MMP26: variants seen among roughly 807,000 people sequenced by gnomAD.
MMP26 encodes the protein matrix metallopeptidase 26.
Under a neutral mutation model 31.0 loss-of-function variants are expected in MMP26, and 33 were observed. That is an observed-to-expected ratio of 1.06 (90% CI 0.81 to 1.42). The LOEUF (loss-of-function observed/expected upper bound fraction) is 1.42, where lower values mean the gene tolerates loss of function less well. Among genes scored for constraint, MMP26 ranks in the 40% most tolerant of loss-of-function variants. The probability of loss-of-function intolerance (pLI) is 0.00; values close to 1 mark genes in which losing one functional copy is unlikely to be tolerated. For missense variants in MMP26, 347 were observed against 316.1 expected, an observed-to-expected ratio of 1.10 and a Z score of -0.74; for synonymous variants, 122 against 114.9, an observed-to-expected ratio of 1.06 and a Z score of -0.40.
At chr11:4,758,878 G>A (rs1417186249) in intron 1 of MMP26, among the ~76,000 whole-genome samples, 3 of 151,888 alleles carry the variant, frequency 2.0e-5, no homozygotes, top group East Asian at 1.9e-4. Context: ...TTGGGAAGAC[G>A]AGGCGGGCAG....
intron 1 of MMP26, among the ~76,000 whole-genome samples, chr11:4,741,890 C>T (rs767696836): frequency 6.6e-6 from 1 of 151,962 alleles, no homozygotes; most frequent in Non-Finnish European, 1.5e-5. Context: ...GTATAATCAG[C>T]CAGAAAAAGA....
intron 1 of MMP26, chr11:4,710,644 T>G: frequency 2.8e-6 from 1 of 352,398 alleles, no homozygotes; most frequent in Non-Finnish European, 5.6e-6. Context: ...GATGATCCAC[T>G]AACTTACCAT....
intron 2 of MMP26, among the ~76,000 whole-genome samples, chr11:4,917,521 C>T (rs781032395): frequency 6.6e-6 from 1 of 152,144 alleles, no homozygotes; most frequent in Admixed American, 6.5e-5. Context: ...AAGATATACA[C>T]AGACACTTTC....
At chr11:4,821,346 A>G (rs1305789283) in intron 2 of MMP26, 1 of 1,468,228 alleles carries the variant, frequency 6.8e-7, no homozygotes, top group Non-Finnish European at 9.4e-7. Context: ...TGCCAGAGAG[A>G]TGTTACAAGT....
At chr11:4,883,483 A>AT (rs1402737973) in intron 2 of MMP26, among the ~76,000 whole-genome samples, 8 of 151,998 alleles carry the variant, frequency 5.3e-5, no homozygotes, top group East Asian at 1.9e-4. Flanking sequence ...TAGAAGTGAT[A>AT]TTTTTTCAGT....
chr11:4,722,757 G>A (rs1455591413), intron 1 of MMP26: 3 of 944,662 alleles, frequency 3.2e-6, no homozygotes, highest in East Asian at 2.4e-5. Flanking sequence ...GACGTCAGAG[G>A]ACTCGGACAC....
At chr11:4,974,589 C>A (rs910267792) in intron 2 of MMP26, among the ~76,000 whole-genome samples, 10 of 151,998 alleles carry the variant, frequency 6.6e-5, no homozygotes, top group African/African-American at 2.4e-4. Flanking sequence ...CTTAGAGGAA[C>A]AATATAAAAT....
chr11:4,742,897 T>A (rs1564899194), intron 1 of MMP26, among the ~76,000 whole-genome samples: 1 of 152,154 alleles, frequency 6.6e-6, no homozygotes, highest in Non-Finnish European at 1.5e-5. Flanking sequence ...CATATACTTA[T>A]AAGATTACAG....
chr11:4,953,207 C>T lies in MMP26; in HGVS notation c.-144-34861C>T. Among the ~76,000 whole-genome samples, 2 of 124,772 alleles carry T rather than the reference C, an allele frequency of 1.6e-5. 1 individual carries two copies. Among genetic ancestry groups the T allele is most frequent in the Non-Finnish European group, 3.6e-5 (2 of 55,210 alleles). The allele number at this position is 124,772 out of a possible 152,430, so 81.9% of individuals were successfully genotyped here. ...ATAGACAATTTAAGAAAATTGTATCCTACCATGAATAAATATTACTAAACT... is the reference window on the plus strand; with the variant it reads ...ATAGACAATTTAAGAAAATTGTATCTTACCATGAATAAATATTACTAAACT... On this transcript the variant is annotated intron_variant, in intron 2 of 7. Transcript: ENST00000380390.
intron 2 of MMP26, among the ~76,000 whole-genome samples, chr11:4,903,196 G>A (rs892911915): frequency 3.3e-5 from 5 of 151,968 alleles, no homozygotes; most frequent in African/African-American, 7.2e-5. Flanking sequence ...CTCCTCGGAC[G>A]GTTCTAGTGA....
chr11:4,879,599 A>G (rs1850430140), intron 2 of MMP26, among the ~76,000 whole-genome samples: 1 of 152,130 alleles, frequency 6.6e-6, no homozygotes, highest in African/African-American at 2.4e-5. Context: ...CTGAACTTCA[A>G]TTTCCTCAGC....
intron 2 of MMP26, among the ~76,000 whole-genome samples, chr11:4,866,657 GGCATTAC>G (rs1173602749): frequency 6.6e-6 from 1 of 152,072 alleles, no homozygotes; most frequent in Non-Finnish European, 1.5e-5. Context: ...CAAAATTGGA[GGCATTAC>G]GCCACCTGAC....
intron 1 of MMP26, among the ~76,000 whole-genome samples, chr11:4,760,192 G>T (rs1848555207): frequency 1.3e-5 from 2 of 152,186 alleles, no homozygotes; most frequent in Non-Finnish European, 2.9e-5. Context: ...CATATGATTT[G>T]TCAAAGCAGT....
At chr11:4,821,510 C>T in intron 2 of MMP26, 2 of 1,612,066 alleles carry the variant, frequency 1.2e-6, no homozygotes, top group Middle Eastern at 3.3e-4. Context: ...TACTGGATCT[C>T]CATCCCTTTT....
chr11:4,853,635 G>A (rs1310563975), intron 2 of MMP26, among the ~76,000 whole-genome samples: 1 of 152,066 alleles, frequency 6.6e-6, no homozygotes, highest in Non-Finnish European at 1.5e-5. Context: ...AACAAATAAA[G>A]TCAATTACTA....
chr11:4,814,700 A>G (rs1014948620), intron 2 of MMP26, among the ~76,000 whole-genome samples: 2 of 152,230 alleles, frequency 1.3e-5, no homozygotes, highest in African/African-American at 4.8e-5. Context: ...TACAGTGGAT[A>G]AAACTACTGG....
At chr11:4,749,469 A>G (rs1433166818) in intron 1 of MMP26, among the ~76,000 whole-genome samples, 1 of 152,094 alleles carries the variant, frequency 6.6e-6, no homozygotes, top group Non-Finnish European at 1.5e-5. Context: ...TGAATAGCCA[A>G]AAGAATCCTA....
intron 2 of MMP26, chr11:4,923,409 A>G (rs1342797081): frequency 7.0e-6 from 11 of 1,575,932 alleles, no homozygotes; most frequent in Non-Finnish European, 9.5e-6. Context: ...GACTTTATAA[A>G]CTGAAACTTC....
chr11:4,796,195 G>A (rs1347272), intron 2 of MMP26, among the ~76,000 whole-genome samples: 56,132 of 151,962 alleles, frequency 0.37, 11,452 homozygotes, highest in African/African-American at 0.52. Context: ...TGTTTCTCCT[G>A]GTTCTCTTAT....
Sources: gnomAD v4.1 joint callset for allele counts (sites outside exome capture counted in the v4.1 genomes callset) on GRCh38, gnomAD v4.1.1 for gene constraint, MANE v1.5 for transcripts, NCBI Gene and HGNC (gene_info 2026-07-23, HGNC 2026-07-21) for gene names.